FLI1: variants seen among roughly 807,000 people sequenced by gnomAD.
FLI1 encodes Fli-1 proto-oncogene, ETS transcription factor, also known as Friend leukemia integration 1 transcription factor.
A neutral mutation model predicts 53.1 loss-of-function variants in FLI1; 13 were observed. The observed-to-expected ratio is 0.24, with a 90% CI of 0.16 to 0.39. The LOEUF (loss-of-function observed/expected upper bound fraction) is 0.39, where lower values mean the gene tolerates loss of function less well. Ranked by LOEUF, FLI1 falls within the 10% of genes least tolerant of loss-of-function variation. The pLI is 1.00. For synonymous variants in FLI1, 244 were observed against 236.7 expected (o/e 1.03, Z -0.28); for missense variants, 424 against 600.5 (o/e 0.71, Z 3.07).
chr11:128,704,804 C>T (rs1005878689), intron 1 of FLI1, among the ~76,000 whole-genome samples: 1 of 152,106 alleles, frequency 6.6e-6, no homozygotes, highest in Non-Finnish European at 1.5e-5. Context: ...TAGTACTCAC[C>T]TAAGAGAAAG....
At position 128,768,219 on chromosome 11, in the gene FLI1, G is replaced by C. The variant is rs761199818; in HGVS notation, c.332G>C (p.Gly111Ala). 1.2e-6 allele frequency: 2 copies of C among 1,613,856 alleles called. No individual in the cohort carries two copies. Among genetic ancestry groups the C allele is most frequent in the East Asian group, 2.2e-5 (1 of 44,874 alleles). Residue 111 changes from glycine (G) to alanine (A), a missense_variant, in exon 3 of 9, where the codon GGC becomes GCC. This residue lies in a region of FLI1 where 137 missense variants were observed against 169.1 expected (regional missense o/e 0.81). Transcript: ENST00000527786. Reference protein sequence around the residue: ...NYNSYMDEKNGPPPPNMTTNE... With the variant: ...NYNSYMDEKNAPPPPNMTTNE... Reference sequence around the variant, plus strand: ...AACAGCTATATGGACGAGAAGAATGGCCCCCCTCCTCCCAACATGACCACC... The same window carrying C: ...AACAGCTATATGGACGAGAAGAATGCCCCCCCTCCTCCCAACATGACCACC...
At position 128,811,949 on chromosome 11, in the gene FLI1, A is replaced by G. The variant is rs1160634992; in HGVS notation, c.*961A>G. 1.5e-5 allele frequency: 3 copies of G among 201,334 alleles called. No homozygotes were observed. The highest frequency in any genetic ancestry group is 6.9e-5 in the African/African-American group (3 of 43,490). The allele number at this position is 201,334 out of a possible 1,614,324, so 12.5% of individuals were successfully genotyped here. On this transcript the variant is annotated 3_prime_UTR_variant, in exon 9 of 9. Transcript: ENST00000527786. ...ACAAAAGCAGTTTTACTATCGAATC[A>G]ATCGCTGTTATTTTTTTTAATGTAA...
At chr11:128,720,945 A>G (rs1282960717) in intron 1 of FLI1, among the ~76,000 whole-genome samples, 2 of 152,180 alleles carry the variant, frequency 1.3e-5, no homozygotes, top group Non-Finnish European at 2.9e-5. Flanking sequence ...TCTGTGCAAC[A>G]GAAGCCGCCT....
chr11:128,733,843 A>T (rs1441470662), intron 1 of FLI1, among the ~76,000 whole-genome samples: 2 of 152,200 alleles, frequency 1.3e-5, no homozygotes, highest in African/African-American at 4.8e-5. Flanking sequence ...ATGTTGATGC[A>T]TTCATATGCA....
At chr11:128,718,522 C>T (rs1269412101) in intron 1 of FLI1, among the ~76,000 whole-genome samples, 1 of 152,208 alleles carries the variant, frequency 6.6e-6, no homozygotes, top group South Asian at 2.1e-4. Flanking sequence ...CGGATACTGA[C>T]CAATGGAGAA....
At chr11:128,686,409 C>A (rs563152255), upstream of FLI1, 4 of 456,266 alleles carry the variant, frequency 8.8e-6, no homozygotes, top group African/African-American at 8.0e-5. Context: ...TGAGGTGGCT[C>A]TCAGTTCTCA....
Position 128,810,784 on chromosome 11 carries a change from C to T in FLI1, c.1155C>T (p.Ile385=). 2.5e-6 allele frequency: 4 copies of T among 1,614,082 alleles called. No individual in the cohort carries two copies. The highest frequency in any genetic ancestry group is 3.4e-6 in the Non-Finnish European group (4 of 1,179,892). Residue 385 remains isoleucine, a synonymous_variant, in exon 9 of 9, where the codon ATC becomes ATT. Transcript: ENST00000527786. The surrounding 1 kb of genome is among the most constrained non-coding windows in gnomAD (Gnocchi z 6.6). ...CCATGTACAAGTACCCTTCTGACAT[C>T]TCCTACATGCCTTCCTACCATGCCC... ...ESSMYKYPSD[I]SYMPSYHAHQ...
In FLI1 at chr11:128,809,188, T is replaced by A; in HGVS notation, c.813T>A (p.Ser271Arg). 1 of 1,614,036 alleles carries A rather than the reference T, an allele frequency of 6.2e-7. No homozygotes were observed. The highest frequency in any genetic ancestry group is 8.5e-7 in the Non-Finnish European group (1 of 1,179,852). The change falls in exon 8 of 9, where the codon AGT becomes AGA. Residue 271 changes from serine to arginine, a missense_variant. Physicochemically the swap from Ser to Arg is moderately radical, Grantham distance 110. Around this residue, in one of 5 missense-constraint regions of FLI1, gnomAD observed 71 missense variants for 174.2 expected, o/e 0.41. Transcript: ENST00000527786. ...DPYQILGPTSSRLANPGSGQI... is the reference protein window; with the variant it reads ...DPYQILGPTSRRLANPGSGQI... ...ATCAGATCCTGGGCCCGACCAGCAG[T>A]CGCCTAGCCAACCCTGGTGAGTTTA... is the stretch of plus-strand genomic sequence containing the variant.
At chr11:128,741,891 C>CTT (rs1940154079) in intron 1 of FLI1, among the ~76,000 whole-genome samples, 1 of 152,142 alleles carries the variant, frequency 6.6e-6, no homozygotes, top group Admixed American at 6.5e-5. Flanking sequence ...GCTGGGGAAG[C>CTT]TTGTGCCTGG....
chr11:128,749,955 C>G (rs1457274008), intron 1 of FLI1, among the ~76,000 whole-genome samples: 1 of 152,230 alleles, frequency 6.6e-6, no homozygotes, highest in Non-Finnish European at 1.5e-5. Flanking sequence ...GGCTGATCAC[C>G]CCCACTGCTG....
chr11:128,731,916 T>C (rs1287471362), intron 1 of FLI1, among the ~76,000 whole-genome samples: 2 of 151,496 alleles, frequency 1.3e-5, no homozygotes, highest in East Asian at 3.9e-4. Context: ...GGCAGGAGAA[T>C]CACTTCGAAC....
At chr11:128,757,388 C>T (rs974836242) in intron 1 of FLI1, among the ~76,000 whole-genome samples, 3 of 152,136 alleles carry the variant, frequency 2.0e-5, no homozygotes, top group Admixed American at 6.5e-5. Context: ...CCTCTTTCGT[C>T]CTTTGGCTGG....
chr11:128,741,621 C>G (rs1591770363), intron 1 of FLI1, among the ~76,000 whole-genome samples: 1 of 152,202 alleles, frequency 6.6e-6, no homozygotes, highest in Non-Finnish European at 1.5e-5. Flanking sequence ...CTCCTTCTTG[C>G]TGTGTGATCT....
intron 4 of FLI1, among the ~76,000 whole-genome samples, chr11:128,780,454 G>A (rs1254003513): frequency 6.6e-6 from 1 of 152,216 alleles, no homozygotes; most frequent in Non-Finnish European, 1.5e-5. Context: ...AATTAGCCGA[G>A]CATGGTGGCA....
At chr11:128,773,126 C>T (rs1285213184) in intron 4 of FLI1, 141 bp downstream of exon 4, 5 of 753,842 alleles carry the variant, frequency 6.6e-6, no homozygotes, top group Middle Eastern at 3.9e-4. Context: ...GCCAAGGTCA[C>T]GTGGGCTCCT....
chr11:128,764,316 A>T (rs1049093406), intron 2 of FLI1, among the ~76,000 whole-genome samples: 2 of 152,256 alleles, frequency 1.3e-5, no homozygotes, highest in African/African-American at 2.4e-5. Flanking sequence ...ACACACAAAC[A>T]GAACTCGAGG....
Position 128,786,234 on chromosome 11 carries a change from T to G in FLI1, c.655+4211T>G, listed in dbSNP as rs142704276. 2.6e-3 allele frequency among the ~76,000 whole-genome samples: 389 copies of G among 152,296 alleles called. 2 individuals are homozygous for G. The highest frequency in any genetic ancestry group is 8.8e-3 in the African/African-American group (367 of 41,566). On this transcript the variant is annotated intron_variant, in intron 5 of 8. Coordinates refer to ENST00000527786, the MANE Select transcript of FLI1 (RefSeq NM_002017.5). ...GAAATGAGGCCCATGTTAGAGCTAC[T>G]CCAGATTTTCTTGGAGACACACTGG...
At chr11:128,741,948 T>C (rs575341706) in intron 1 of FLI1, among the ~76,000 whole-genome samples, 68 of 152,226 alleles carry the variant, frequency 4.5e-4, no homozygotes, top group Middle Eastern at 3.2e-3. Flanking sequence ...CTGCTTCCAT[T>C]TGTAAATGCC....
chr11:128,712,298 G>C (rs1224969138), intron 1 of FLI1, among the ~76,000 whole-genome samples: 1 of 152,124 alleles, frequency 6.6e-6, no homozygotes, highest in Non-Finnish European at 1.5e-5. Context: ...GCTTTCTGAG[G>C]CCTCATCAGA....
Sources: allele counts gnomAD v4.1 joint callset (sites outside exome capture counted in the v4.1 genomes callset), GRCh38; gene constraint gnomAD v4.1.1; regional missense constraint gnomAD v4.1.1; non-coding constraint Gnocchi (gnomAD v3.1); transcripts MANE v1.5; gene names NCBI Gene and HGNC (gene_info 2026-07-23, HGNC 2026-07-21).